Variants in KCNC2 observed in about 807,000 individuals in gnomAD.
KCNC2 encodes potassium voltage-gated channel subfamily C member 2.
KCNC2 carries 21 observed loss-of-function variants against 44.5 expected under a neutral mutation model. The observed-to-expected ratio is 0.47, with a 90% CI of 0.33 to 0.68. The LOEUF is 0.68. Ranked by LOEUF, KCNC2 falls within the 30% of genes least tolerant of loss-of-function variation. The probability of loss-of-function intolerance (pLI) is 0.01; values close to 1 mark genes in which losing one functional copy is unlikely to be tolerated. For synonymous variants in KCNC2, 391 were observed against 339.1 expected (o/e 1.15, Z -1.68); for missense variants, 589 against 826.2 (o/e 0.71, Z 3.52).
intron 2 of KCNC2, among the ~76,000 whole-genome samples, chr12:75,188,091 C>A (rs1268271548): frequency 1.3e-5 from 2 of 152,092 alleles, no homozygotes; most frequent in Non-Finnish European, 2.9e-5. Context: ...GAAATTTCAC[C>A]CTTTCTTAGC....
Position 75,043,287 on chromosome 12 carries a change from A to G in KCNC2, c.1781-46T>C, listed in dbSNP as rs768289522. 7.5e-6 allele frequency: 12 copies of G among 1,607,326 alleles called. No homozygotes were observed. In the East Asian group the frequency reaches 2.7e-4, roughly 36 times the overall value. On this transcript the variant is annotated intron_variant, in intron 4 of 4. Transcript: ENST00000549446. ...GACATCAGTTGAATTCAACCAGAAT[A>G]TAGACAGACAAATAATACCATGCAG...
chr12:75,149,536 A>G (rs930698086), intron 2 of KCNC2, among the ~76,000 whole-genome samples: 2 of 151,854 alleles, frequency 1.3e-5, no homozygotes, highest in Non-Finnish European at 2.9e-5. Context: ...AAGCCACACT[A>G]ATGAAAGAAA....
chr12:75,054,413 G>A (rs984592713), intron 2 of KCNC2, among the ~76,000 whole-genome samples: 1 of 152,198 alleles, frequency 6.6e-6, no homozygotes, highest in East Asian at 1.9e-4. Context: ...AGGGGAAAAG[G>A]AAAAGCTCTC....
chr12:75,164,931 G>C (rs1891347311), intron 2 of KCNC2, among the ~76,000 whole-genome samples: 1 of 151,608 alleles, frequency 6.6e-6, no homozygotes, highest in Non-Finnish European at 1.5e-5. Flanking sequence ...CTTAACATTA[G>C]TACCAAAGTG....
chr12:75,170,860 G>C (rs560295992), intron 2 of KCNC2, among the ~76,000 whole-genome samples: 1 of 151,886 alleles, frequency 6.6e-6, no homozygotes, highest in South Asian at 2.1e-4. Flanking sequence ...ATCTCACAAG[G>C]CTGTATCAAG....
At chr12:75,177,596 A>T (rs1222902021) in intron 2 of KCNC2, among the ~76,000 whole-genome samples, 3 of 152,022 alleles carry the variant, frequency 2.0e-5, no homozygotes, top group Admixed American at 2.0e-4. Context: ...TTCTTCTCTA[A>T]CACTCTGTGC....
At chr12:75,192,492 G>A (rs1043169421) in intron 2 of KCNC2, among the ~76,000 whole-genome samples, 2 of 152,168 alleles carry the variant, frequency 1.3e-5, no homozygotes, top group East Asian at 3.8e-4. Flanking sequence ...AGCCATCAAA[G>A]TGCATGGTTC....
At chr12:75,147,152 AAAAT>A (rs1179196460) in intron 2 of KCNC2, among the ~76,000 whole-genome samples, 1 of 152,180 alleles carries the variant, frequency 6.6e-6, no homozygotes. Flanking sequence ...GTAACATTTT[AAAAT>A]AAATAATTAC....
At chr12:75,062,135 A>G (rs949343835) in intron 2 of KCNC2, among the ~76,000 whole-genome samples, 1 of 152,094 alleles carries the variant, frequency 6.6e-6, no homozygotes, top group African/African-American at 2.4e-5. Flanking sequence ...AGTAGATTCT[A>G]TTAACTCATT....
chr12:75,116,916 G>A (rs1887699733), intron 2 of KCNC2, among the ~76,000 whole-genome samples: 1 of 152,192 alleles, frequency 6.6e-6, no homozygotes, highest in South Asian at 2.1e-4. Flanking sequence ...TTAAAGGGTA[G>A]CATCTCATCT....
intron 2 of KCNC2, among the ~76,000 whole-genome samples, chr12:75,193,181 G>C (rs902767407): frequency 6.6e-6 from 1 of 152,098 alleles, no homozygotes; most frequent in East Asian, 1.9e-4. Context: ...TGTAGTTGAA[G>C]ATAGTAAACT....
intron 2 of KCNC2, among the ~76,000 whole-genome samples, chr12:75,069,179 G>A (rs1458525824): frequency 2.4e-5 from 2 of 81,846 alleles, no homozygotes; most frequent in African/African-American, 9.4e-5. Context: ...TTGTTGTCCA[G>A]GCTGGAGTGC....
chr12:75,142,436 A>T (rs1000545719), intron 2 of KCNC2, among the ~76,000 whole-genome samples: 5 of 152,210 alleles, frequency 3.3e-5, no homozygotes, highest in African/African-American at 1.2e-4. Flanking sequence ...AGCCCTCTTG[A>T]GTAAGTGGTG....
intron 2 of KCNC2, among the ~76,000 whole-genome samples, chr12:75,083,573 C>A (rs1316866087): frequency 6.6e-6 from 1 of 151,882 alleles, no homozygotes; most frequent in African/African-American, 2.4e-5. Context: ...ATCTTAGTTT[C>A]TTCACATAAA....
intron 4 of KCNC2, 34 bp downstream of exon 4, chr12:75,048,119 T>C (rs201253603): frequency 2.5e-6 from 4 of 1,591,870 alleles, no homozygotes; most frequent in Non-Finnish European, 3.4e-6. Context: ...TATTGCTAAG[T>C]CACCTGTTAT....
chr12:75,068,661 G>T (rs1036435122), intron 2 of KCNC2, among the ~76,000 whole-genome samples: 19 of 152,162 alleles, frequency 1.2e-4, no homozygotes, highest in Admixed American at 1.2e-3. Context: ...CATTAAAAAA[G>T]GGATTTGAGG....
chr12:75,179,463 A>G (rs949619896), intron 2 of KCNC2, among the ~76,000 whole-genome samples: 9 of 151,912 alleles, frequency 5.9e-5, no homozygotes, highest in Non-Finnish European at 1.0e-4. Context: ...GTGATTGGAT[A>G]TCAATTCTTA....
chr12:75,182,037 T>C (rs1341316189), intron 2 of KCNC2, among the ~76,000 whole-genome samples: 2 of 139,020 alleles, frequency 1.4e-5, no homozygotes, highest in Non-Finnish European at 3.0e-5. Context: ...CATTTTTAGA[T>C]GAGAGAACTG....
chr12:75,076,226 G>C (rs1174149336), intron 2 of KCNC2, among the ~76,000 whole-genome samples: 1 of 151,902 alleles, frequency 6.6e-6, no homozygotes, highest in African/African-American at 2.4e-5. Context: ...GCCAGAATTT[G>C]TTCTTGAACA....
Sources: allele counts gnomAD v4.1 joint callset (sites outside exome capture counted in the v4.1 genomes callset), GRCh38; gene constraint gnomAD v4.1.1; transcripts MANE v1.5; gene names NCBI Gene and HGNC (gene_info 2026-07-23, HGNC 2026-07-21).